Variants in NLGN4Y observed in about 807,000 individuals in gnomAD.
The protein encoded by NLGN4Y is neuroligin-4, Y-linked.
In NLGN4Y, 4 loss-of-function variants were observed where a neutral mutation model predicts 8.4. That is an observed-to-expected ratio of 0.48 (90% CI 0.23 to 1.09). The LOEUF (loss-of-function observed/expected upper bound fraction) is 1.09, where lower values mean the gene tolerates loss of function less well. NLGN4Y is among the 50% of genes least tolerant of loss of function. NLGN4Y has a pLI of 0.19. For synonymous variants in NLGN4Y, 35 were observed against 75.6 expected (o/e 0.46, Z 2.78); for missense variants, 90 against 192.3 (o/e 0.47, Z 3.15).
At chrY:14,608,585 G>A (rs2080455356) in intron 1 of NLGN4Y, among the ~76,000 whole-genome samples, 1 of 32,237 alleles carries the variant, frequency 3.1e-5, no homozygotes, top group Non-Finnish European at 7.6e-5. Context: ...TACCAGTACC[G>A]TGCTGTTTTG....
intron 1 of NLGN4Y, among the ~76,000 whole-genome samples, chrY:14,596,802 G>A (rs2080402124): frequency 9.0e-5 from 3 of 33,218 alleles, no homozygotes; most frequent in Non-Finnish European, 1.5e-4. Context: ...TATAGCAAGC[G>A]AAAGGGGTCC....
intron 1 of NLGN4Y, among the ~76,000 whole-genome samples, chrY:14,570,672 G>T: frequency 6.3e-5 from 2 of 31,919 alleles, no homozygotes; most frequent in African/African-American, 2.5e-4. Context: ...GCATACATGT[G>T]CTATGTTAGT....
At chrY:14,712,089 A>T in intron 2 of NLGN4Y, among the ~76,000 whole-genome samples, 1 of 30,534 alleles carries the variant, frequency 3.3e-5, no homozygotes, top group African/African-American at 1.3e-4. Flanking sequence ...AAAAAAAAAA[A>T]GCCTGCCATC....
chrY:14,770,532 A>G (rs1603503771), intron 4 of NLGN4Y, among the ~76,000 whole-genome samples: 1 of 33,637 alleles, frequency 3.0e-5, no homozygotes, highest in East Asian at 7.8e-4. Flanking sequence ...ACACCCACAC[A>G]AAAACCTCAT....
intron 4 of NLGN4Y, among the ~76,000 whole-genome samples, chrY:14,755,344 C>T (rs2081053099): frequency 3.0e-5 from 1 of 33,598 alleles, no homozygotes; most frequent in African/African-American, 1.2e-4. Context: ...TATGTGTTTA[C>T]TTCAGGCCTT....
At chrY:14,652,678 A>G (rs867609507) in intron 2 of NLGN4Y, among the ~76,000 whole-genome samples, 1 of 32,007 alleles carries the variant, frequency 3.1e-5, no homozygotes, top group Admixed American at 2.9e-4. Flanking sequence ...TTTTTTCTCT[A>G]TTTCACTAAT....
Position 14,702,368 on chromosome Y carries a change from T to C in NLGN4Y, c.473-17091T>C, listed in dbSNP as rs2080853936. On this transcript the variant is annotated intron_variant, in intron 2 of 6. Coordinates refer to ENST00000684976, the MANE Select transcript of NLGN4Y (RefSeq NM_001365588.1). ...TGATGTTCCCCTTCCTGTGTCCATG[T>C]GTTCTCATTGTTCAGTTCCCACCTG... Among the ~76,000 whole-genome samples the C allele has an allele frequency of 1.6e-4, 5 of 31,486 alleles. No individual in the cohort carries two copies. The East Asian group carries it at 4.9e-3, about 31-fold the overall frequency. 84.5% of individuals were successfully genotyped at this position (31,486 alleles called of 37,273 possible).
intron 6 of NLGN4Y, among the ~76,000 whole-genome samples, 190 bp downstream of exon 6, chrY:14,830,709 T>C (rs2043176478): frequency 5.9e-5 from 2 of 33,756 alleles, no homozygotes; most frequent in Non-Finnish European, 1.5e-4. Flanking sequence ...TCAAATTTTC[T>C]TTATTACCAA....
chrY:14,613,840 A>G lies in NLGN4Y; in HGVS notation c.-111-8169A>G. ...CATTTTCTTAATCCGTCTATCATTG[A>G]TGGACATTTGGGTTGGTTCCAAGTC... On this transcript the variant is annotated intron_variant, in intron 1 of 6. Coordinates refer to ENST00000684976, the MANE Select transcript of NLGN4Y (RefSeq NM_001365588.1). 1.2e-4 allele frequency among the ~76,000 whole-genome samples: 4 copies of G among 33,759 alleles called. No individual in the cohort carries two copies. The South Asian group carries it at 2.0e-3, about 17-fold the overall frequency. 90.6% of individuals were successfully genotyped at this position (33,759 alleles called of 37,273 possible). A position where few individuals can be genotyped will look rare whatever the true frequency, so the allele number is the denominator to read the frequency against.
At chrY:14,538,530 T>A in intron 1 of NLGN4Y, among the ~76,000 whole-genome samples, 1 of 34,047 alleles carries the variant, frequency 2.9e-5, no homozygotes, top group Non-Finnish European at 7.3e-5. Flanking sequence ...CTCATTTTGT[T>A]TTATGAGTTA....
intron 4 of NLGN4Y, among the ~76,000 whole-genome samples, chrY:14,734,200 C>T: frequency 3.0e-5 from 1 of 33,768 alleles, no homozygotes; most frequent in African/African-American, 1.2e-4. Flanking sequence ...TGCACCATCA[C>T]GATGTACTTC....
At chrY:14,596,919 C>G (rs2080403041) in intron 1 of NLGN4Y, among the ~76,000 whole-genome samples, 1 of 32,982 alleles carries the variant, frequency 3.0e-5, no homozygotes, top group African/African-American at 1.2e-4. Flanking sequence ...GCAAAAGTCC[C>G]TTCGTGGTCA....
chrY:14,562,807 A>G, intron 1 of NLGN4Y, among the ~76,000 whole-genome samples: 2 of 33,211 alleles, frequency 6.0e-5, no homozygotes, highest in African/African-American at 2.3e-4. Flanking sequence ...TCTTTTTCAC[A>G]ATTGTGAATG....
At chrY:14,725,270 A>G in intron 4 of NLGN4Y, among the ~76,000 whole-genome samples, 1 of 33,322 alleles carries the variant, frequency 3.0e-5, no homozygotes, top group East Asian at 7.9e-4. Flanking sequence ...GACAGTCTGG[A>G]ATTCTTCTTC....
At chrY:14,724,488 G>A (rs2080948526) in intron 4 of NLGN4Y, among the ~76,000 whole-genome samples, 1 of 32,518 alleles carries the variant, frequency 3.1e-5, no homozygotes, top group Admixed American at 2.8e-4. Flanking sequence ...CAAAGGTGTT[G>A]GCAGGGCTGT....
intron 4 of NLGN4Y, among the ~76,000 whole-genome samples, chrY:14,823,468 C>T (rs2043130879): frequency 1.2e-4 from 4 of 32,630 alleles, no homozygotes; most frequent in African/African-American, 5.2e-4. Context: ...TGAAGATCTA[C>T]GTCATTAACT....
intron 4 of NLGN4Y, among the ~76,000 whole-genome samples, chrY:14,817,730 T>C (rs2043107468): frequency 6.1e-5 from 2 of 32,935 alleles, no homozygotes; most frequent in Non-Finnish European, 1.5e-4. Context: ...AGACCGTCCA[T>C]GTAAGTTGGG....
intron 4 of NLGN4Y, among the ~76,000 whole-genome samples, chrY:14,730,987 A>ATG (rs1248863150): frequency 0.12 from 1,836 of 15,646 alleles, no homozygotes; most frequent in Middle Eastern, 0.64. Context: ...GAACCAAATT[A>ATG]TGTGTGTGTG....
At chrY:14,621,404 C>A (rs2080506949) in intron 1 of NLGN4Y, among the ~76,000 whole-genome samples, 1 of 33,715 alleles carries the variant, frequency 3.0e-5, no homozygotes, top group South Asian at 6.6e-4. Flanking sequence ...TGGTAGGTGT[C>A]ATTATTATCA....
Sources: allele counts gnomAD v4.1 joint callset (sites outside exome capture counted in the v4.1 genomes callset), GRCh38; gene constraint gnomAD v4.1.1; transcripts MANE v1.5; gene names NCBI Gene and HGNC (gene_info 2026-07-23, HGNC 2026-07-21).